SLC28A1: variants seen among roughly 807,000 people sequenced by gnomAD.
SLC28A1 encodes solute carrier family 28 member 1, also known as sodium/nucleoside cotransporter 1.
A neutral mutation model predicts 74.8 loss-of-function variants in SLC28A1; 64 were observed. The observed-to-expected ratio is 0.86, with a 90% CI of 0.70 to 1.05. SLC28A1 has a LOEUF of 1.05. Among genes scored for constraint, SLC28A1 ranks in the 50% least tolerant of loss-of-function variants. The probability of loss-of-function intolerance (pLI) is 0.00; values close to 1 mark genes in which losing one functional copy is unlikely to be tolerated. For missense variants in SLC28A1, 828 were observed against 822.8 expected (o/e 1.01, Z -0.08); for synonymous variants, 359 against 335.0 (o/e 1.07, Z -0.78).
intron 15 of SLC28A1, among the ~76,000 whole-genome samples, chr15:84,941,522 T>A (rs772799813): frequency 2.2e-4 from 33 of 152,094 alleles, no homozygotes; most frequent in Admixed American, 6.5e-5. Flanking sequence ...GTTTTTTTTT[T>A]AACATAGATT....
intron 15 of SLC28A1, chr15:84,940,621 TG>T (rs1350923681): frequency 6.5e-6 from 1 of 154,986 alleles, no homozygotes; most frequent in African/African-American, 2.4e-5. Context: ...CCCTTATTTT[TG>T]CTACATCAGG....
the SLC28A1 span, among the ~76,000 whole-genome samples, chr15:84,975,117 G>A: frequency 6.6e-6 from 1 of 152,154 alleles, no homozygotes; most frequent in Non-Finnish European, 1.5e-5. Flanking sequence ...TCCCAGGTGA[G>A]GCCTGGGTGA....
chr15:84,961,116 G>A, the SLC28A1 span, among the ~76,000 whole-genome samples: 1 of 152,110 alleles, frequency 6.6e-6, no homozygotes, highest in Non-Finnish European at 1.5e-5. Flanking sequence ...GAACTCGTAG[G>A]GGTGTTGTAA....
Position 84,888,959 on chromosome 15 carries a change from C to T in SLC28A1, c.185+99C>T, listed in dbSNP as rs896747011. ...TCCTGGCGGATGGGAGTTGGGGGGA[C>T]GTGAACCTTTGTTGAAGGGAGGAAT... is the stretch of plus-strand genomic sequence containing the variant. On this transcript the variant is annotated intron_variant, in intron 4 of 18. Transcript: ENST00000394573. The T allele has an allele frequency of 4.1e-5, 34 of 832,248 alleles. No individual in the cohort carries two copies. The Middle Eastern group carries it at 1.2e-3, about 29-fold the overall frequency. 51.6% of individuals were successfully genotyped at this position (832,248 alleles called of 1,614,324 possible).
At chr15:84,886,976 G>GAGGGGAGAAAAAGGAGCGGGAACAAGAT (rs1964674829) in intron 2 of SLC28A1, among the ~76,000 whole-genome samples, 189 bp downstream of exon 2, 1 of 152,228 alleles carries the variant, frequency 6.6e-6, no homozygotes, top group Admixed American at 6.5e-5. Context: ...GGGAACAAGA[G>GAGGGGAGAAAAAGGAGCGGGAACAAGAT]AAGGGAGAGA....
intron 6 of SLC28A1, among the ~76,000 whole-genome samples, chr15:84,897,841 G>C (rs1321750201): frequency 6.6e-6 from 1 of 152,156 alleles, no homozygotes; most frequent in Non-Finnish European, 1.5e-5. Context: ...ATCTTCATAA[G>C]ATGTACTTTT....
intron 12 of SLC28A1, among the ~76,000 whole-genome samples, chr15:84,927,904 A>G (rs999749828): frequency 3.5e-4 from 1 of 2,830 alleles, no homozygotes; most frequent in Non-Finnish European, 6.3e-4. Context: ...TCATGGCAGG[A>G]TATTGGGGGA....
chr15:84,897,019 T>G (rs1369721832), intron 6 of SLC28A1, among the ~76,000 whole-genome samples: 1 of 152,068 alleles, frequency 6.6e-6, no homozygotes, highest in Non-Finnish European at 1.5e-5. Context: ...TTTGGGCTGA[T>G]GAAAATATCC....
At position 84,935,121 on chromosome 15, in the gene SLC28A1, C is replaced by T. The variant is rs763873344; in HGVS notation, c.1310C>T (p.Ala437Val). 1.9e-6 allele frequency: 3 copies of T among 1,614,182 alleles called. No individual in the cohort carries two copies. Among genetic ancestry groups the T allele is most frequent in the Non-Finnish European group, 2.5e-6 (3 of 1,179,996 alleles). The stretch of plus-strand genomic sequence containing the variant: ...GCTGCCAACCTGATTGCGTTCCTGG[C>T]TGTGCTGGACTTTATCAATGCTGCC... ...NIAANLIAFL[A>V]VLDFINAALS... The change falls in exon 14 of 19, where the codon GCT (alanine) becomes GTT (valine). Residue 437 changes from alanine to valine, a missense_variant. Ala to Val is a moderately conservative substitution (Grantham distance 64). This residue lies in a region of SLC28A1 where 767 missense variants were observed against 753.5 expected (regional missense o/e 1.02). Coordinates refer to ENST00000394573, the MANE Select transcript of SLC28A1 (RefSeq NM_004213.5).
chr15:84,896,856 G>A (rs1412413555), intron 6 of SLC28A1, among the ~76,000 whole-genome samples: 2 of 152,168 alleles, frequency 1.3e-5, no homozygotes, highest in African/African-American at 2.4e-5. Context: ...CATGCTCAGT[G>A]AAAGAAACCA....
At chr15:84,915,101 G>A (rs1159907407) in intron 9 of SLC28A1, among the ~76,000 whole-genome samples, 15 of 152,240 alleles carry the variant, frequency 9.9e-5, no homozygotes, top group East Asian at 3.9e-4. Context: ...TAGACAGTAC[G>A]TGACTCTCTC....
At chr15:84,937,132 G>GT (rs1217463439) in intron 15 of SLC28A1, among the ~76,000 whole-genome samples, 1 of 149,562 alleles carries the variant, frequency 6.7e-6, no homozygotes, top group Non-Finnish European at 1.5e-5. Flanking sequence ...AGCCATTTTT[G>GT]TTTTTTTGTT....
At chr15:84,903,682 G>A (rs1966847458) in intron 6 of SLC28A1, among the ~76,000 whole-genome samples, 1 of 152,184 alleles carries the variant, frequency 6.6e-6, no homozygotes, top group African/African-American at 2.4e-5. Flanking sequence ...GTAGTGTTGA[G>A]TCCTGGGTGG....
chr15:84,908,607 C>T lies in SLC28A1; in HGVS notation c.718-111C>T. The T allele has an allele frequency of 1.9e-5, 16 of 859,630 alleles. No individual in the cohort carries two copies. The South Asian group carries it at 2.1e-4, about 11-fold the overall frequency. The allele number at this position is 859,630 out of a possible 1,614,324, so 53.3% of individuals were successfully genotyped here. On this transcript the variant is annotated intron_variant, in intron 8 of 18. Transcript: ENST00000394573. ...GTGGTGCCCCCCCCCGGATAAGGGC[C>T]TGGGGGGACTACGTCCCTGGGCCAA... is the stretch of plus-strand genomic sequence containing the variant.
intron 9 of SLC28A1, among the ~76,000 whole-genome samples, chr15:84,917,916 G>C (rs1340070285): frequency 1.3e-5 from 2 of 152,190 alleles, no homozygotes; most frequent in African/African-American, 4.8e-5. Context: ...GAATGGGTGA[G>C]CTTGGAGTGA....
intron 6 of SLC28A1, among the ~76,000 whole-genome samples, chr15:84,899,967 A>AAGGAAGGAAGGAAGGAAGGAAAGAAG (rs1567130013): frequency 1.8e-5 from 1 of 54,814 alleles, no homozygotes; most frequent in African/African-American, 4.1e-5. Context: ...AAGGAAGGAA[A>AAGGAAGGAAGGAAGGAAGGAAAGAAG]GAAGGAAGGA....
At position 84,944,885 on chromosome 15, in the gene SLC28A1, G is replaced by A; in HGVS notation, c.1874+18G>A. ...TTCCAGAGGTGAGGGCCTGGGCTGT[G>A]GGACCTGCAGGGCACCCACAGTGAT... On this transcript the variant is annotated intron_variant, in intron 18 of 18. Coordinates refer to ENST00000394573, the MANE Select transcript of SLC28A1 (RefSeq NM_004213.5). The A allele has an allele frequency of 6.5e-7, 1 of 1,531,072 alleles. No individual in the cohort carries two copies. The highest frequency in any genetic ancestry group is 9.1e-7 in the Non-Finnish European group (1 of 1,104,580). 94.8% of individuals were successfully genotyped at this position (1,531,072 alleles called of 1,614,324 possible).
In SLC28A1 at chr15:84,906,560, CTTTCTCTTTCTTT is replaced by C. The variant is rs1567140408; in HGVS notation, c.717+909_717+921del. Among the ~76,000 whole-genome samples, 84 of 83,952 alleles carry C rather than the reference CTTTCTCTTTCTTT, an allele frequency of 1.0e-3. 1 individual carries two copies. Among genetic ancestry groups the C allele is most frequent in the African/African-American group, 4.1e-3 (80 of 19,420 alleles). 55.1% of individuals were successfully genotyped at this position (83,952 alleles called of 152,430 possible). On this transcript the variant is annotated intron_variant, in intron 8 of 18. Coordinates refer to ENST00000394573, the MANE Select transcript of SLC28A1 (RefSeq NM_004213.5). ...TCTTTCTTTCTTTCTTTCTTTCTTT[CTTTCTCTTTCTTT>C]CTTCCTTCCTTCCTTCCTTCCTTCC...
chr15:84,946,085 C>CAT (rs1352839442), downstream of SLC28A1, among the ~76,000 whole-genome samples: 410 of 23,950 alleles, frequency 0.017, 16 homozygotes, highest in South Asian at 0.028. Context: ...TGTGTATGTT[C>CAT]ATATATATAT....
Sources: gnomAD v4.1 joint callset for allele counts (sites outside exome capture counted in the v4.1 genomes callset) on GRCh38, gnomAD v4.1.1 for gene constraint, gnomAD v4.1.1 regional missense constraint, MANE v1.5 for transcripts, NCBI Gene and HGNC (gene_info 2026-07-23, HGNC 2026-07-21) for gene names.